Variants in CLSTN2 observed in about 807,000 individuals in gnomAD.
CLSTN2 encodes calsyntenin 2.
In CLSTN2, 48 loss-of-function variants were observed where a neutral mutation model predicts 101.2. The ratio of observed to expected loss-of-function variants is 0.47; its 90% CI spans 0.38 to 0.60. CLSTN2 has a LOEUF of 0.60. Among genes scored for constraint, CLSTN2 ranks in the 20% least tolerant of loss-of-function variants. The probability of loss-of-function intolerance (pLI) is 0.00; values close to 1 mark genes in which losing one functional copy is unlikely to be tolerated. For missense variants in CLSTN2, 1,160 were observed against 1,238.2 expected, an observed-to-expected ratio of 0.94 and a Z score of 0.95; for synonymous variants, 481 against 463.6, an observed-to-expected ratio of 1.04 and a Z score of -0.48.
chr3:140,026,510 T>A (rs1475938274), intron 1 of CLSTN2, among the ~76,000 whole-genome samples: 1 of 152,214 alleles, frequency 6.6e-6, no homozygotes, highest in Non-Finnish European at 1.5e-5. Context: ...TTCCTGTCTC[T>A]GTCATGAAAT....
intron 2 of CLSTN2, among the ~76,000 whole-genome samples, chr3:140,362,342 TAAAAC>T (rs1299156055): frequency 1.3e-5 from 2 of 152,060 alleles, no homozygotes; most frequent in Non-Finnish European, 2.9e-5. Context: ...ACGTAAAACA[TAAAAC>T]AATAAAACCT....
chr3:140,110,058 A>G (rs2009128568), intron 1 of CLSTN2, among the ~76,000 whole-genome samples: 1 of 152,192 alleles, frequency 6.6e-6, no homozygotes, highest in Non-Finnish European at 1.5e-5. Flanking sequence ...TTTTGCTAAA[A>G]ATATGTCTTT....
rs978784275 is a variant in CLSTN2 at position 140,566,350 on chromosome 3, C to T, written c.*97C>T. The T allele has an allele frequency of 1.6e-6, 2 of 1,277,834 alleles. No homozygotes were observed. Among genetic ancestry groups the T allele is most frequent in the African/African-American group, 2.9e-5 (2 of 67,934 alleles). 79.2% of individuals were successfully genotyped at this position (1,277,834 alleles called of 1,614,324 possible). On this transcript the variant is annotated 3_prime_UTR_variant, in exon 17 of 17. Coordinates refer to ENST00000458420, the MANE Select transcript of CLSTN2 (RefSeq NM_022131.3). The stretch of plus-strand genomic sequence containing the variant: ...CATACCTCACCTCTGATGTCTGTGA[C>T]ATGTCTGGGAAGGCCTTCTCCAGCT...
At chr3:140,199,639 T>C (rs1468101150) in intron 2 of CLSTN2, among the ~76,000 whole-genome samples, 1 of 152,210 alleles carries the variant, frequency 6.6e-6, no homozygotes, top group Non-Finnish European at 1.5e-5. Flanking sequence ...TTTTTTTCTT[T>C]CAATCTCTTT....
intron 2 of CLSTN2, among the ~76,000 whole-genome samples, chr3:140,248,502 C>T (rs570812532): frequency 5.3e-5 from 8 of 152,298 alleles, no homozygotes; most frequent in East Asian, 3.9e-4. Flanking sequence ...ATTCAATGGA[C>T]TTGCTTGTGT....
At chr3:140,070,257 G>A (rs2008368170) in intron 1 of CLSTN2, among the ~76,000 whole-genome samples, 2 of 152,194 alleles carry the variant, frequency 1.3e-5, no homozygotes, top group South Asian at 4.1e-4. Context: ...TCTGGTGAAA[G>A]ACGTAGACTC....
At position 140,562,217 on chromosome 3, in the gene CLSTN2, C is replaced by T; in HGVS notation, c.2121C>T (p.Asp707=). Residue 707 remains aspartate, a synonymous_variant, in exon 13 of 17, where the codon GAC becomes GAT. Coordinates refer to ENST00000458420, the MANE Select transcript of CLSTN2 (RefSeq NM_022131.3). Reference sequence around the variant, plus strand: ...TTTTGGTGATCGGAGGGGACTTGGACCCAAGGCAGGAGTGCTTGGAGCTCA... The same window carrying T: ...TTTTGGTGATCGGAGGGGACTTGGATCCAAGGCAGGAGTGCTTGGAGCTCA... ...CDILVIGGDL[D]PRQECLELNH... 1.2e-6 allele frequency: 2 copies of T among 1,613,948 alleles called. No homozygotes were observed. Among genetic ancestry groups the T allele is most frequent in the South Asian group, 1.1e-5 (1 of 91,080 alleles).
At position 140,147,881 on chromosome 3, in the gene CLSTN2, C is replaced by G. The variant is rs139674047; in HGVS notation, c.110-28070C>G. 1.3e-4 allele frequency among the ~76,000 whole-genome samples: 20 copies of G among 152,304 alleles called. No individual in the cohort carries two copies. The East Asian group carries it at 3.9e-3, about 29-fold the overall frequency. Reference sequence around the variant, plus strand: ...GGCCATATGAGGAGGTACTACTACCCTTGTCATTTTTTAGAGAATGTCACT... The same window carrying G: ...GGCCATATGAGGAGGTACTACTACCGTTGTCATTTTTTAGAGAATGTCACT... On this transcript the variant is annotated intron_variant, in intron 1 of 16. Transcript: ENST00000458420.
intron 10 of CLSTN2, among the ~76,000 whole-genome samples, chr3:140,550,660 G>A (rs1935683819): frequency 6.6e-6 from 1 of 151,944 alleles, no homozygotes; most frequent in African/African-American, 2.4e-5. Context: ...CAAAGATGCT[G>A]GGCTCAAAAG....
intron 1 of CLSTN2, among the ~76,000 whole-genome samples, chr3:139,943,125 G>C (rs1191432418): frequency 6.6e-6 from 1 of 151,988 alleles, no homozygotes; most frequent in Non-Finnish European, 1.5e-5. Context: ...CTTCTGCTGT[G>C]GCCTCTGGGT....
intron 1 of CLSTN2, among the ~76,000 whole-genome samples, chr3:140,088,565 A>C (rs1043832080): frequency 1.1e-4 from 17 of 152,218 alleles, no homozygotes; most frequent in African/African-American, 3.9e-4. Flanking sequence ...TCACAGGGTT[A>C]CAACTGCAGA....
At chr3:140,549,991 C>G (rs1295963684) in intron 10 of CLSTN2, among the ~76,000 whole-genome samples, 4 of 150,046 alleles carry the variant, frequency 2.7e-5, no homozygotes, top group African/African-American at 9.9e-5. Context: ...GTGGAATCAC[C>G]ACATTCCTGA....
intron 1 of CLSTN2, among the ~76,000 whole-genome samples, chr3:139,953,329 C>G (rs779069010): frequency 5.9e-5 from 9 of 152,114 alleles, no homozygotes; most frequent in Non-Finnish European, 8.8e-5. Flanking sequence ...GGTGATAAAA[C>G]AATCTGTACA....
intron 2 of CLSTN2, among the ~76,000 whole-genome samples, chr3:140,301,430 A>G (rs1325925540): frequency 6.6e-6 from 1 of 152,200 alleles, no homozygotes; most frequent in African/African-American, 2.4e-5. Flanking sequence ...TTGATTGCAA[A>G]TCTCTTTAAT....
intron 5 of CLSTN2, among the ~76,000 whole-genome samples, chr3:140,439,516 C>T (rs1276041915): frequency 1.3e-5 from 2 of 152,188 alleles, no homozygotes; most frequent in South Asian, 2.1e-4. Context: ...GAAAGAACAT[C>T]GTGAGCAAGA....
intron 2 of CLSTN2, among the ~76,000 whole-genome samples, chr3:140,253,788 T>TA (rs1448554688): frequency 6.6e-6 from 1 of 152,106 alleles, no homozygotes; most frequent in Non-Finnish European, 1.5e-5. Context: ...TTTTTTCTCT[T>TA]ACAGTTACAG....
chr3:140,312,072 G>A (rs2107917496), intron 2 of CLSTN2, among the ~76,000 whole-genome samples: 1 of 152,306 alleles, frequency 6.6e-6, no homozygotes, highest in East Asian at 1.9e-4. Flanking sequence ...CTCCCATGCA[G>A]TATAGGGATA....
chr3:140,253,746 A>G (rs2086582374), intron 2 of CLSTN2, among the ~76,000 whole-genome samples: 1 of 152,138 alleles, frequency 6.6e-6, no homozygotes, highest in Non-Finnish European at 1.5e-5. Flanking sequence ...GGAGACAGGA[A>G]CCCACCAAAG....
rs116221784 is a variant in CLSTN2 at position 140,539,592 on chromosome 3, A to T, written c.1508-6923A>T. On this transcript the variant is annotated intron_variant, in intron 9 of 16. Coordinates refer to ENST00000458420, the MANE Select transcript of CLSTN2 (RefSeq NM_022131.3). ...AAGAGACCCTAAAAAACAAGACAGA[A>T]AACTCACCTGATGCATCCCATCCTG... Among the ~76,000 whole-genome samples, 896 of 152,256 alleles carry T rather than the reference A, an allele frequency of 5.9e-3. 7 individuals are homozygous for T. The highest frequency in any genetic ancestry group is 0.02 in the African/African-American group (835 of 41,526).
Sources: gnomAD v4.1 joint callset for allele counts (sites outside exome capture counted in the v4.1 genomes callset) on GRCh38, gnomAD v4.1.1 for gene constraint, MANE v1.5 for transcripts, NCBI Gene and HGNC (gene_info 2026-07-23, HGNC 2026-07-21) for gene names.